The following PPA2 variants were observed in gnomAD, a reference collection of about 807,000 sequenced individuals.
The protein encoded by PPA2 is inorganic pyrophosphatase 2.
Under a neutral mutation model 49.5 loss-of-function variants are expected in PPA2, and 48 were observed. The observed-to-expected ratio is 0.97, with a 90% CI of 0.77 to 1.23. PPA2 has a LOEUF of 1.23. Ranked by LOEUF, PPA2 falls within the 50% of genes most tolerant of loss-of-function variation. PPA2 has a pLI of 0.00. For missense variants in PPA2, 429 were observed against 410.1 expected (o/e 1.05, Z -0.40); for synonymous variants, 131 against 139.9 (o/e 0.94, Z 0.45).
At chr4:105,450,506 A>C (rs1371835707) in intron 3 of PPA2, among the ~76,000 whole-genome samples, 1 of 151,202 alleles carries the variant, frequency 6.6e-6, no homozygotes, top group Admixed American at 6.6e-5. Flanking sequence ...CCTCCCGAGC[A>C]GCTGGGATTA....
At chr4:105,447,033 G>A (rs1216538094) in intron 4 of PPA2, among the ~76,000 whole-genome samples, 1 of 152,072 alleles carries the variant, frequency 6.6e-6, no homozygotes, top group Non-Finnish European at 1.5e-5. Context: ...TCCAAAGTAG[G>A]AAAGAAAGAA....
chr4:105,418,870 G>A (rs1157613326), intron 7 of PPA2, among the ~76,000 whole-genome samples: 1 of 152,146 alleles, frequency 6.6e-6, no homozygotes, highest in Non-Finnish European at 1.5e-5. Flanking sequence ...ACATCTGTTT[G>A]GTGAGTATCT....
chr4:105,387,963 G>A (rs981603035), intron 9 of PPA2, among the ~76,000 whole-genome samples: 1 of 148,606 alleles, frequency 6.7e-6, no homozygotes, highest in Non-Finnish European at 1.5e-5. Context: ...GATATACAAA[G>A]TACTAATTAC....
chr4:105,457,976 T>C (rs190691650), intron 1 of PPA2, among the ~76,000 whole-genome samples: 2 of 152,236 alleles, frequency 1.3e-5, no homozygotes, highest in East Asian at 1.9e-4. Context: ...CTGGAGCATC[T>C]TGTAGGGTCA....
chr4:105,450,885 G>T (rs1177968025), intron 3 of PPA2, among the ~76,000 whole-genome samples: 1 of 152,134 alleles, frequency 6.6e-6, no homozygotes, highest in South Asian at 2.1e-4. Context: ...GGGATTACAG[G>T]CGTGAGCCAC....
intron 5 of PPA2, among the ~76,000 whole-genome samples, chr4:105,439,271 A>G (rs6823326): frequency 0.038 from 5,769 of 152,296 alleles, 331 homozygotes; most frequent in African/African-American, 0.12. Flanking sequence ...CATGGTTTCT[A>G]TATGGTAAAG....
intron 10 of PPA2, among the ~76,000 whole-genome samples, chr4:105,375,863 T>A (rs1733229052): frequency 6.6e-6 from 1 of 152,178 alleles, no homozygotes; most frequent in Admixed American, 6.5e-5. Context: ...ACTTCACCAT[T>A]CTTCTGCTGG....
At chr4:105,441,524 T>C (rs1254492495) in intron 5 of PPA2, among the ~76,000 whole-genome samples, 7 of 152,082 alleles carry the variant, frequency 4.6e-5, no homozygotes, top group Middle Eastern at 3.2e-3. Flanking sequence ...AAATACTTAG[T>C]AAAGTAAAAT....
At chr4:105,398,895 A>G (rs1218160752) in intron 8 of PPA2, 142 bp downstream of exon 8, 4 of 682,604 alleles carry the variant, frequency 5.9e-6, no homozygotes, top group Non-Finnish European at 8.9e-6. Context: ...TAATAAAATA[A>G]TGTTTTTAAA....
chr4:105,450,320 ATTT>A (rs1722611010), intron 3 of PPA2, among the ~76,000 whole-genome samples: 1 of 152,092 alleles, frequency 6.6e-6, no homozygotes, highest in Non-Finnish European at 1.5e-5. Context: ...TAAAAGAGCA[ATTT>A]TTATATCTGT....
intron 6 of PPA2, among the ~76,000 whole-genome samples, chr4:105,429,211 T>C (rs1302696505): frequency 6.6e-6 from 1 of 152,206 alleles, no homozygotes; most frequent in African/African-American, 2.4e-5. Context: ...ATAGGCAAGT[T>C]TGGCTAGAAG....
chr4:105,427,025 C>T (rs548127661), intron 6 of PPA2, among the ~76,000 whole-genome samples: 6 of 152,264 alleles, frequency 3.9e-5, no homozygotes, highest in East Asian at 1.9e-4. Context: ...TTTGCTGTTC[C>T]GCAGCCTCTG....
intron 1 of PPA2, among the ~76,000 whole-genome samples, chr4:105,458,046 C>T (rs1365236078): frequency 6.6e-6 from 1 of 152,006 alleles, no homozygotes; most frequent in African/African-American, 2.4e-5. Flanking sequence ...GAAATGTGAA[C>T]CAATCTGAAA....
intron 10 of PPA2, among the ~76,000 whole-genome samples, chr4:105,379,673 A>G (rs537783529): frequency 1.5e-3 from 201 of 138,366 alleles, no homozygotes; most frequent in African/African-American, 5.5e-3. Context: ...TCGTTCTGTC[A>G]CCCAGGCTGG....
At chr4:105,382,214 T>C (rs1351476022) in intron 10 of PPA2, among the ~76,000 whole-genome samples, 2 of 152,106 alleles carry the variant, frequency 1.3e-5, no homozygotes, top group Non-Finnish European at 2.9e-5. Context: ...TTTCTTTTAA[T>C]ATTTTCATAA....
At chr4:105,470,909 G>T (rs1723497161) in intron 1 of PPA2, among the ~76,000 whole-genome samples, 1 of 152,224 alleles carries the variant, frequency 6.6e-6, no homozygotes, top group Non-Finnish European at 1.5e-5. Flanking sequence ...TATTAGTTTA[G>T]AACTGTTACA....
intron 7 of PPA2, among the ~76,000 whole-genome samples, chr4:105,408,012 C>T (rs1722563881): frequency 6.6e-6 from 1 of 151,852 alleles, no homozygotes; most frequent in Non-Finnish European, 1.5e-5. Context: ...TCAAAGTGGG[C>T]TAAAAAATAT....
intron 7 of PPA2, among the ~76,000 whole-genome samples, chr4:105,408,366 C>G (rs1722584436): frequency 6.6e-6 from 1 of 152,166 alleles, no homozygotes; most frequent in Non-Finnish European, 1.5e-5. Context: ...GTTAGAGAAT[C>G]TGGATTTTTC....
chr4:105,437,700 T>C (rs778966234), intron 6 of PPA2, among the ~76,000 whole-genome samples: 3 of 152,214 alleles, frequency 2.0e-5, no homozygotes, highest in Admixed American at 6.5e-5. Flanking sequence ...TCATAGACAG[T>C]ATGTACATGA....
Sources: gnomAD v4.1 joint callset for allele counts (sites outside exome capture counted in the v4.1 genomes callset) on GRCh38, gnomAD v4.1.1 for gene constraint, MANE v1.5 for transcripts, NCBI Gene and HGNC (gene_info 2026-07-23, HGNC 2026-07-21) for gene names.